COL6A6: variants seen among roughly 807,000 people sequenced by gnomAD.
The protein encoded by COL6A6 is collagen alpha-6(VI) chain.
In COL6A6, 183 loss-of-function variants were observed where a neutral mutation model predicts 208.6. That is an observed-to-expected ratio of 0.88 (90% CI 0.78 to 0.99). The LOEUF (loss-of-function observed/expected upper bound fraction) is 0.99. COL6A6 is among the 50% of genes least tolerant of loss of function. COL6A6 has a pLI of 0.00. For missense variants in COL6A6, 2,816 were observed against 2,815.2 expected (o/e 1.00, Z -0.01); for synonymous variants, 973 against 1,011.8 (o/e 0.96, Z 0.73).
Position 130,671,850 on chromosome 3 carries a change from A to G in COL6A6, c.6597-3352A>G, listed in dbSNP as rs187948915. Among the ~76,000 whole-genome samples, 4 of 152,340 alleles carry G rather than the reference A, an allele frequency of 2.6e-5. No homozygotes were observed. In the East Asian group the frequency reaches 7.7e-4, roughly 29 times the overall value. ...TGAGAGAGCAGGGCACCCTCTTTAT[A>G]TAAGCACTTAGATCTACTCAGAAAC... On this transcript the variant is annotated intron_variant, in intron 36 of 36. Coordinates refer to ENST00000358511, the MANE Select transcript of COL6A6 (RefSeq NM_001102608.3).
At chr3:130,634,986 G>C (rs2065068672) in intron 27 of COL6A6, among the ~76,000 whole-genome samples, 1 of 152,172 alleles carries the variant, frequency 6.6e-6, no homozygotes, top group South Asian at 2.1e-4. Flanking sequence ...TGTAATCCCA[G>C]CACTTTGGGA....
In COL6A6 at chr3:130,567,108, G is replaced by A; in HGVS notation, c.1689G>A (p.Glu563=). The change falls in exon 5 of 37, where the codon GAG becomes GAA. Residue 563 remains glutamate (E), a synonymous_variant. Coordinates refer to ENST00000358511, the MANE Select transcript of COL6A6 (RefSeq NM_001102608.3). ...AGCCTGCAAACAGACTGAGAGAAGA[G>A]CACATCCGAGTTTATGCTATCGGGA... is the stretch of plus-strand genomic sequence containing the variant. ...ILEPANRLRE[E]HIRVYAIGIK... The A allele has an allele frequency of 6.2e-7, 1 of 1,613,982 alleles. No homozygotes were observed.
At chr3:130,668,977 G>A (rs1458760315) in intron 36 of COL6A6, among the ~76,000 whole-genome samples, 1 of 152,310 alleles carries the variant, frequency 6.6e-6, no homozygotes, top group East Asian at 1.9e-4. Context: ...GTTAAATCAA[G>A]GTGGAGTGTT....
intron 23 of COL6A6, among the ~76,000 whole-genome samples, chr3:130,621,210 A>T (rs1006035865): frequency 6.6e-6 from 1 of 152,150 alleles, no homozygotes; most frequent in Non-Finnish European, 1.5e-5. Flanking sequence ...ATCTTTCTTG[A>T]TAAATTTATT....
intron 23 of COL6A6, among the ~76,000 whole-genome samples, chr3:130,618,380 G>T (rs2064600959): frequency 6.6e-6 from 1 of 152,206 alleles, no homozygotes; most frequent in South Asian, 2.1e-4. Flanking sequence ...TCAGCACAGT[G>T]CCTTGCACAA....
chr3:130,604,270 G>T (rs12487754), intron 20 of COL6A6, among the ~76,000 whole-genome samples: 2 of 151,974 alleles, frequency 1.3e-5, no homozygotes, highest in Non-Finnish European at 2.9e-5. Flanking sequence ...CAGGCGGGCG[G>T]ATCATGAGGT....
intron 28 of COL6A6, among the ~76,000 whole-genome samples, chr3:130,638,392 T>A (rs1445685748): frequency 5.3e-5 from 8 of 152,214 alleles, no homozygotes; most frequent in Admixed American, 3.9e-4. Flanking sequence ...AGGCAAGTGT[T>A]CTCTCCAACT....
At chr3:130,665,152 T>A in intron 36 of COL6A6, 56 bp downstream of exon 36, 1 of 1,186,398 alleles carries the variant, frequency 8.4e-7, no homozygotes, top group Non-Finnish European at 1.2e-6. Flanking sequence ...CTTTCTTCTA[T>A]TTTCCTCCTC....
intron 18 of COL6A6, among the ~76,000 whole-genome samples, chr3:130,597,765 T>A (rs1183475879): frequency 2.0e-5 from 3 of 152,176 alleles, no homozygotes; most frequent in African/African-American, 7.2e-5. Context: ...TGGGGAAAAT[T>A]CAAAATTTCA....
chr3:130,573,887 A>G (rs2063227233), intron 7 of COL6A6, 69 bp from the exon 8 acceptor site: 2 of 1,191,094 alleles, frequency 1.7e-6, no homozygotes, highest in Non-Finnish European at 2.4e-6. Flanking sequence ...CAAACATTGA[A>G]TTTACTCTTG....
chr3:130,595,796 A>G lies in COL6A6; in HGVS notation c.4533+1453A>G, dbSNP rs560867993. The stretch of plus-strand genomic sequence containing the variant: ...TATGTCTTTTGATGCACTTTTTTAC[A>G]TATTTATATTGGGTCTATATTTTAA... On this transcript the variant is annotated intron_variant, in intron 18 of 36. Transcript: ENST00000358511. 3.9e-5 allele frequency among the ~76,000 whole-genome samples: 6 copies of G among 152,264 alleles called. No individual in the cohort carries two copies. In the South Asian group the frequency reaches 1.2e-3, roughly 32 times the overall value.
Position 130,626,546 on chromosome 3 carries a change from A to G in COL6A6, c.4940A>G (p.Gln1647Arg). 1 of 1,610,848 alleles carries G rather than the reference A, an allele frequency of 6.2e-7. No individual in the cohort carries two copies. The highest frequency in any genetic ancestry group is 8.5e-7 in the Non-Finnish European group (1 of 1,177,038). ...GGCTTTCCTGGTCCTCGTGGCTTGC[A>G]GGTTTGTATTTTGACACTAGTTTTG... is the stretch of plus-strand genomic sequence containing the variant. ...AVGFPGPRGL[Q>R]GNDGSPGYGS... The change falls in exon 25 of 37, where the codon CAG becomes CGG. Residue 1647 changes from glutamine to arginine, a missense_variant and splice_region_variant. By Grantham distance (43) the Gln-to-Arg change is conservative (BLOSUM62 1). Transcript: ENST00000358511.
At chr3:130,627,490 T>A in intron 26 of COL6A6, 121 bp downstream of exon 26, 1 of 791,856 alleles carries the variant, frequency 1.3e-6, no homozygotes, top group Non-Finnish European at 2.2e-6. Flanking sequence ...GTTAGAAATA[T>A]ATTTCAGTAA....
intron 3 of COL6A6, among the ~76,000 whole-genome samples, chr3:130,564,030 C>T (rs1434762741): frequency 6.6e-6 from 1 of 152,202 alleles, no homozygotes; most frequent in African/African-American, 2.4e-5. Flanking sequence ...AAATTCTTGA[C>T]TCTTAAAACC....
chr3:130,634,563 A>T (rs761945683), intron 26 of COL6A6, 27 bp from the exon 27 acceptor site: 1 of 1,592,638 alleles, frequency 6.3e-7, no homozygotes, highest in South Asian at 1.1e-5. Flanking sequence ...GTGTGCCTGT[A>T]TAAATCTTTC....
At chr3:130,569,709 TCTCCTGG>T (rs2063114340) in intron 6 of COL6A6, among the ~76,000 whole-genome samples, 1 of 152,158 alleles carries the variant, frequency 6.6e-6, no homozygotes, top group Non-Finnish European at 1.5e-5. Flanking sequence ...GTATTCCCAG[TCTCCTGG>T]GTAATCCAAG....
chr3:130,646,608 G>C (rs2065468013), intron 32 of COL6A6, among the ~76,000 whole-genome samples: 1 of 152,204 alleles, frequency 6.6e-6, no homozygotes, highest in Non-Finnish European at 1.5e-5. Context: ...TCTTTCAAGA[G>C]CTGGGCATAG....
At position 130,598,378 on chromosome 3, in the gene COL6A6, T is replaced by G. The variant is rs2063908286; in HGVS notation, c.4547T>G (p.Val1516Gly). 1 of 1,547,274 alleles carries G rather than the reference T, an allele frequency of 6.5e-7. No individual in the cohort carries two copies. Among genetic ancestry groups the G allele is most frequent in the African/African-American group, 1.4e-5 (1 of 72,904 alleles). ...TTCTATTTTTAGGGAGCTCCTGGAG[T>G]TGACAGTAGCATAGAAGGACCCACA... is the stretch of plus-strand genomic sequence containing the variant. ...GLRGDPGAPGVDSSIEGPTGL... is the reference protein window; with the variant it reads ...GLRGDPGAPGGDSSIEGPTGL... The change falls in exon 19 of 37, where the codon GTT (valine) becomes GGT (glycine). Residue 1516 changes from valine (V) to glycine (G), a missense_variant. Coordinates refer to ENST00000358511, the MANE Select transcript of COL6A6 (RefSeq NM_001102608.3).
intron 1 of COL6A6, among the ~76,000 whole-genome samples, chr3:130,540,129 A>G (rs778086053): frequency 5.3e-5 from 8 of 152,146 alleles, no homozygotes; most frequent in African/African-American, 1.9e-4. Flanking sequence ...TCTGCCCCCC[A>G]CATCCTATGT....
Sources: gnomAD v4.1 joint callset for allele counts (sites outside exome capture counted in the v4.1 genomes callset) on GRCh38, gnomAD v4.1.1 for gene constraint, MANE v1.5 for transcripts, NCBI Gene and HGNC (gene_info 2026-07-23, HGNC 2026-07-21) for gene names.